The following TAF1D variants were observed in gnomAD, a reference collection of about 807,000 sequenced individuals.
TAF1D encodes TATA-box binding protein associated factor, RNA polymerase I subunit D.
TAF1D carries 23 observed loss-of-function variants against 26.2 expected under a neutral mutation model. The ratio of observed to expected loss-of-function variants is 0.88; its 90% CI spans 0.63 to 1.25. TAF1D has a LOEUF of 1.25. TAF1D is among the 50% of genes most tolerant of loss of function. TAF1D has a pLI of 0.00. For missense variants in TAF1D, 299 were observed against 322.0 expected, an observed-to-expected ratio of 0.93 and a Z score of 0.55; for synonymous variants, 100 against 105.6, an observed-to-expected ratio of 0.95 and a Z score of 0.33.
chr11:93,738,339 T>C lies in TAF1D; in HGVS notation c.229A>G (p.Ile77Val), dbSNP rs148742628. Residue 77 changes from isoleucine to valine, a missense_variant, in exon 3 of 6, where the codon ATA becomes GTA. Coordinates refer to ENST00000448108, the MANE Select transcript of TAF1D (RefSeq NM_024116.4). ...DSSFEPIPLTIKAIFERFKNR... is the reference protein window; with the variant it reads ...DSSFEPIPLTVKAIFERFKNR... ...TTGAATCTTTCAAAAATAGCTTTTA[T>C]AGTCAATGGTATTGGTTCAAAAGAT... 4.3e-6 allele frequency: 7 copies of C among 1,613,066 alleles called. No homozygotes were observed. The African/African-American group carries it at 6.7e-5, about 15-fold the overall frequency.
In TAF1D at chr11:93,736,682, TAA is replaced by T. The variant is rs1940865557; in HGVS notation, c.693+10_693+11del. The stretch of plus-strand genomic sequence containing the variant: ...TTCCCAAAATGGAATAGGAAAAAAA[TAA>T]GTCACTTACTGCCAATTTGATATCA... On this transcript the variant is annotated intron_variant, in intron 5 of 5. Coordinates refer to ENST00000448108, the MANE Select transcript of TAF1D (RefSeq NM_024116.4). 1.2e-6 allele frequency: 2 copies of T among 1,609,936 alleles called. No individual in the cohort carries two copies. The highest frequency in any genetic ancestry group is 1.3e-5 in the African/African-American group (1 of 74,668).
At chr11:93,740,345 G>C (rs867755085) in intron 1 of TAF1D, among the ~76,000 whole-genome samples, 1,999 of 149,510 alleles carry the variant, frequency 0.013, 50 homozygotes, top group African/African-American at 0.047. Context: ...CACTCGGGAG[G>C]ATCGCTTAAG....
chr11:93,739,965 A>AG lies in TAF1D; in HGVS notation c.-27-635_-27-634insC, dbSNP rs60547311. On this transcript the variant is annotated intron_variant, in intron 1 of 5. Transcript: ENST00000448108. ...GGTAGAGAGTATACAACATACCAAA[A>AG]AAAAAAAAAAAAAAAAAGAAAAAGA... 7.2e-4 allele frequency among the ~76,000 whole-genome samples: 84 copies of AG among 116,592 alleles called. 1 individual carries two copies. The highest frequency in any genetic ancestry group is 2.1e-3 in the East Asian group (6 of 2,886). The allele number at this position is 116,592 out of a possible 152,430, so 76.5% of individuals were successfully genotyped here.
exon 12 of TAF1D, chr11:93,730,266 C>T: frequency 6.5e-7 from 1 of 1,546,094 alleles, no homozygotes; most frequent in Non-Finnish European, 8.8e-7. Flanking sequence ...AAAATACATG[C>T]TGACTTTCTA....
At chr11:93,730,942 A>C (rs1349516356), downstream of TAF1D, 7 of 491,572 alleles carry the variant, frequency 1.4e-5, no homozygotes, top group Non-Finnish European at 2.8e-5. Context: ...CATGTGGTTC[A>C]CATTTTATTT....
At position 93,736,017 on chromosome 11, in the gene TAF1D, G is replaced by A; in HGVS notation, c.*144C>T. On this transcript the variant is annotated 3_prime_UTR_variant, in exon 6 of 6. Transcript: ENST00000448108. ...TTTCTTTCACAAACTTCTTCACAGG[G>A]TTAAAAATTTTTTTTCTTGTTATAA... 2.1e-6 allele frequency: 3 copies of A among 1,413,144 alleles called. No homozygotes were observed. Among genetic ancestry groups the A allele is most frequent in the East Asian group, 2.6e-5 (1 of 37,810 alleles). The allele number at this position is 1,413,144 out of a possible 1,614,324, so 87.5% of individuals were successfully genotyped here.
In TAF1D at chr11:93,735,939, T is replaced by C. The variant is rs1380144169; in HGVS notation, c.*222A>G. 1 of 1,303,434 alleles carries C rather than the reference T, an allele frequency of 7.7e-7. No homozygotes were observed. Among genetic ancestry groups the C allele is most frequent in the African/African-American group, 1.6e-5 (1 of 64,454 alleles). 80.7% of individuals were successfully genotyped at this position (1,303,434 alleles called of 1,614,324 possible). A position where few individuals can be genotyped will look rare whatever the true frequency, so the allele number is the denominator to read the frequency against. ...TGACAATTTCTCAAATTTTTCTATG[T>C]ATTTTCTCTGGTGTTTTAATGGTTT... is the stretch of plus-strand genomic sequence containing the variant. On this transcript the variant is annotated 3_prime_UTR_variant, in exon 6 of 6. Coordinates refer to ENST00000448108, the MANE Select transcript of TAF1D (RefSeq NM_024116.4).
downstream of TAF1D, chr11:93,735,298 A>G: frequency 2.4e-6 from 3 of 1,256,528 alleles, no homozygotes; most frequent in Non-Finnish European, 3.1e-6. Context: ...AATAATGAAC[A>G]TCGGGGTAAT....
chr11:93,741,402 G>GATGC lies in TAF1D; in HGVS notation c.-109_-108insGCAT. On this transcript the variant is annotated 5_prime_UTR_variant, in exon 1 of 6. Coordinates refer to ENST00000448108, the MANE Select transcript of TAF1D (RefSeq NM_024116.4). ...TCGGCCCAAAACCCGCGACTGGCCT[G>GATGC]GTGTCCTAGAGCTCTGTACACACCA... is the stretch of plus-strand genomic sequence containing the variant. The GATGC allele has an allele frequency of 3.4e-6, 1 of 293,904 alleles. No homozygotes were observed. Among genetic ancestry groups the GATGC allele is most frequent in the Non-Finnish European group, 6.8e-6 (1 of 147,192 alleles). 18.2% of individuals were successfully genotyped at this position (293,904 alleles called of 1,614,324 possible).
rs17174449 is a variant in TAF1D at position 93,741,416 on chromosome 11, C to T, written c.-122G>A. On this transcript the variant is annotated 5_prime_UTR_variant, in exon 1 of 6. Transcript: ENST00000448108. ...GCGACTGGCCTGGTGTCCTAGAGCT[C>T]TGTACACACCACCCTCCCGACCTCA... 900 of 447,794 alleles carry T rather than the reference C, an allele frequency of 2.0e-3. 29 individuals carry two copies. In the East Asian group the frequency reaches 0.059, roughly 29 times the overall value. 27.7% of individuals were successfully genotyped at this position (447,794 alleles called of 1,614,324 possible).
In TAF1D at chr11:93,736,027, T is replaced by C. The variant is rs779406488; in HGVS notation, c.*134A>G. 6 of 1,423,276 alleles carry C rather than the reference T, an allele frequency of 4.2e-6. No homozygotes were observed. The Middle Eastern group carries it at 7.1e-4, about 169-fold the overall frequency. 88.2% of individuals were successfully genotyped at this position (1,423,276 alleles called of 1,614,324 possible). The stretch of plus-strand genomic sequence containing the variant: ...AAACTTCTTCACAGGGTTAAAAATT[T>C]TTTTTCTTGTTATAAAGTTCTGGGT... On this transcript the variant is annotated 3_prime_UTR_variant, in exon 6 of 6. Coordinates refer to ENST00000448108, the MANE Select transcript of TAF1D (RefSeq NM_024116.4).
At position 93,738,104 on chromosome 11, in the gene TAF1D, C is replaced by G. The variant is rs1413479004; in HGVS notation, c.459+5G>C. On this transcript the variant is annotated splice_donor_5th_base_variant and intron_variant, in intron 3 of 5. Coordinates refer to ENST00000448108, the MANE Select transcript of TAF1D (RefSeq NM_024116.4). Reference sequence around the variant, plus strand: ...TGTAGCCATGTATGTAAAATGCTGACTCACCTCAAACGTTAAAATTTTTCT... The same window carrying G: ...TGTAGCCATGTATGTAAAATGCTGAGTCACCTCAAACGTTAAAATTTTTCT... 2 of 1,543,050 alleles carry G rather than the reference C, an allele frequency of 1.3e-6. No individual in the cohort carries two copies. Among genetic ancestry groups the G allele is most frequent in the Non-Finnish European group, 1.7e-6 (2 of 1,154,090 alleles).
At chr11:93,732,200 G>A (rs760039599), downstream of TAF1D, 4 of 495,560 alleles carry the variant, frequency 8.1e-6, no homozygotes, top group African/African-American at 2.0e-5. Flanking sequence ...CAGTGCTACT[G>A]ATAGAGGGAA....
At chr11:93,732,299 A>G (rs1259575211), downstream of TAF1D, 2 of 501,356 alleles carry the variant, frequency 4.0e-6, no homozygotes, top group African/African-American at 3.9e-5. Context: ...ACCCTGGAAA[A>G]AAAAGCATTG....
chr11:93,731,596 A>G (rs756932772), downstream of TAF1D: 2 of 518,458 alleles, frequency 3.9e-6, no homozygotes, highest in South Asian at 2.8e-5. Context: ...GTTTAAACAC[A>G]TAATAACGTA....
intron 1 of TAF1D, among the ~76,000 whole-genome samples, chr11:93,739,633 A>G (rs1221557019): frequency 6.6e-6 from 1 of 152,216 alleles, no homozygotes; most frequent in African/African-American, 2.4e-5. Context: ...CATTAGCCAC[A>G]TATTTTAACG....
chr11:93,734,311 ACCATAAAAT>A (rs1220673642), downstream of TAF1D: 1 of 223,204 alleles, frequency 4.5e-6, no homozygotes, highest in Non-Finnish European at 9.1e-6. Flanking sequence ...TTTGCATTAA[ACCATAAAAT>A]CCTCTGCCTC....
chr11:93,737,217 A>T lies in TAF1D; in HGVS notation c.482T>A (p.Phe161Tyr). The T allele has an allele frequency of 6.2e-7, 1 of 1,603,898 alleles. No individual in the cohort carries two copies. Among genetic ancestry groups the T allele is most frequent in the Non-Finnish European group, 8.5e-7 (1 of 1,176,286 alleles). ...ATACTTCAGTTTTTCAATATAGTTA[A>T]AAAATCCTCTTGCAACAGCTTGCTA... ...TFEQAVARGF[F>Y]NYIEKLKYEH... is the part of the protein sequence containing the mutation. The change falls in exon 4 of 6, where the codon TTT becomes TAT. Residue 161 changes from phenylalanine (F) to tyrosine (Y), a missense_variant. Phe to Tyr is a conservative substitution (Grantham distance 22). Transcript: ENST00000448108.
chr11:93,730,632 T>G (rs543583871), downstream of TAF1D: 1 of 554,738 alleles, frequency 1.8e-6, no homozygotes, highest in Non-Finnish European at 3.5e-6. Flanking sequence ...TCATAAGCCC[T>G]CTTTGAAATG....
Sources: gnomAD v4.1 joint callset for allele counts (sites outside exome capture counted in the v4.1 genomes callset) on GRCh38, gnomAD v4.1.1 for gene constraint, MANE v1.5 for transcripts, NCBI Gene and HGNC (gene_info 2026-07-23, HGNC 2026-07-21) for gene names.